UBAC2: variants seen among roughly 807,000 people sequenced by gnomAD.
UBAC2 encodes the protein ubiquitin-associated domain-containing protein 2.
UBAC2 carries 26 observed loss-of-function variants against 44.0 expected under a neutral mutation model. That is an observed-to-expected ratio of 0.59 (90% CI 0.43 to 0.82). UBAC2 has a LOEUF of 0.82. UBAC2 is among the 40% of genes least tolerant of loss of function. UBAC2 has a pLI of 0.00. For synonymous variants in UBAC2, 155 were observed against 154.3 expected (o/e 1.00, Z -0.04); for missense variants, 329 against 419.4 (o/e 0.78, Z 1.88).
chr13:99,294,995 A>G (rs2044146253), intron 4 of UBAC2: 4 of 1,511,824 alleles, frequency 2.6e-6, no homozygotes, highest in South Asian at 2.6e-5. Context: ...ATTTTGCTTT[A>G]TAAGGGAAGT....
chr13:99,218,213 T>A (rs2043018356), intron 1 of UBAC2, among the ~76,000 whole-genome samples: 1 of 152,206 alleles, frequency 6.6e-6, no homozygotes, highest in African/African-American at 2.4e-5. Flanking sequence ...AATCATAGTG[T>A]TAATGTTTGT....
intron 4 of UBAC2, among the ~76,000 whole-genome samples, chr13:99,282,073 C>A (rs896822288): frequency 6.6e-6 from 1 of 152,192 alleles, no homozygotes; most frequent in African/African-American, 2.4e-5. Context: ...AGTTGCATAA[C>A]CCTTTGCGGT....
At chr13:99,373,862 C>T (rs2045443656) in intron 8 of UBAC2, among the ~76,000 whole-genome samples, 1 of 152,102 alleles carries the variant, frequency 6.6e-6, no homozygotes, top group Non-Finnish European at 1.5e-5. Context: ...CAAGAAACAC[C>T]ATCATTGGGT....
chr13:99,222,041 C>G (rs530185547), intron 1 of UBAC2, among the ~76,000 whole-genome samples: 1 of 152,042 alleles, frequency 6.6e-6, no homozygotes, highest in Non-Finnish European at 1.5e-5. Context: ...AGGTTTAAAC[C>G]GTGTAAGTAA....
chr13:99,335,643 G>C (rs941095478), intron 6 of UBAC2, among the ~76,000 whole-genome samples: 1 of 152,226 alleles, frequency 6.6e-6, no homozygotes, highest in African/African-American at 2.4e-5. Context: ...AAACACATCA[G>C]TACACGCACA....
chr13:99,306,536 AAC>A (rs2044339012), intron 4 of UBAC2, among the ~76,000 whole-genome samples: 1 of 152,026 alleles, frequency 6.6e-6, no homozygotes, highest in Admixed American at 6.6e-5. Flanking sequence ...CACACACACA[AAC>A]ACACATATAT....
intron 4 of UBAC2, among the ~76,000 whole-genome samples, chr13:99,260,378 T>C (rs1289791294): frequency 6.6e-6 from 1 of 152,204 alleles, no homozygotes; most frequent in African/African-American, 2.4e-5. Context: ...ATTGGTTGAA[T>C]TTCTGACTGA....
intron 1 of UBAC2, among the ~76,000 whole-genome samples, chr13:99,203,151 C>T (rs2042826935): frequency 6.6e-6 from 1 of 152,208 alleles, no homozygotes; most frequent in South Asian, 2.1e-4. Context: ...ATTCTCCCGC[C>T]TCAGCCTCCC....
chr13:99,364,813 TTACAG>T (rs2045310023), intron 7 of UBAC2, among the ~76,000 whole-genome samples: 1 of 152,218 alleles, frequency 6.6e-6, no homozygotes, highest in Non-Finnish European at 1.5e-5. Flanking sequence ...CTTTATTAGA[TTACAG>T]TATGTGAATG....
intron 6 of UBAC2, among the ~76,000 whole-genome samples, chr13:99,324,035 CCT>C (rs1482876901): frequency 1.1e-4 from 16 of 152,174 alleles, no homozygotes; most frequent in Non-Finnish European, 2.2e-4. Context: ...CTCACCTACC[CCT>C]GTCACTTCTG....
chr13:99,269,724 A>G lies in UBAC2; in HGVS notation c.389+25100A>G, dbSNP rs150059701. ...TTACTACGAATTCTTACAGAACTTC[A>G]ATCTAGACTGTAAGCTTCCATGTTA... On this transcript the variant is annotated intron_variant, in intron 4 of 8. Coordinates refer to ENST00000403766, the MANE Select transcript of UBAC2 (RefSeq NM_001144072.2). Among the ~76,000 whole-genome samples, 572 of 152,354 alleles carry G rather than the reference A, an allele frequency of 3.8e-3. 6 individuals are homozygous for G. Among genetic ancestry groups the G allele is most frequent in the South Asian group, 0.011 (52 of 4,834 alleles).
At chr13:99,247,717 C>T (rs1245728490) in intron 4 of UBAC2, among the ~76,000 whole-genome samples, 2 of 152,260 alleles carry the variant, frequency 1.3e-5, no homozygotes, top group South Asian at 4.1e-4. Context: ...CAAACCTGCA[C>T]GTTCTGCACA....
chr13:99,318,463 G>A (rs983794890), intron 6 of UBAC2, among the ~76,000 whole-genome samples: 1 of 150,444 alleles, frequency 6.6e-6, no homozygotes, highest in African/African-American at 2.4e-5. Context: ...CGCTGCACCC[G>A]GCTCTCAACA....
intron 7 of UBAC2, among the ~76,000 whole-genome samples, chr13:99,346,635 C>T (rs2044986866): frequency 6.6e-6 from 1 of 152,090 alleles, no homozygotes; most frequent in Admixed American, 6.5e-5. Context: ...CCCACATACA[C>T]ATCATTTTCA....
chr13:99,376,389 G>A (rs1274455758), intron 8 of UBAC2, among the ~76,000 whole-genome samples: 1 of 152,170 alleles, frequency 6.6e-6, no homozygotes, highest in East Asian at 1.9e-4. Context: ...CTCCACTGGG[G>A]CACCCTGGAC....
intron 4 of UBAC2, chr13:99,256,440 A>G (rs1367226188): frequency 1.3e-5 from 2 of 152,208 alleles, no homozygotes; most frequent in East Asian, 3.8e-4. Context: ...TCTAGTGCAC[A>G]ATTGGGAGTA....
intron 4 of UBAC2, among the ~76,000 whole-genome samples, chr13:99,269,139 T>C (rs1232582982): frequency 6.6e-6 from 1 of 152,190 alleles, no homozygotes; most frequent in Non-Finnish European, 1.5e-5. Context: ...ACTCAGGCTG[T>C]GGCTGGGAGA....
chr13:99,210,128 G>A (rs17655647), intron 1 of UBAC2, among the ~76,000 whole-genome samples: 84,584 of 151,966 alleles, frequency 0.56, 25,772 homozygotes, highest in Non-Finnish European at 0.71. Context: ...GAAAAAAAAC[G>A]GTCCTAGCAT....
chr13:99,207,448 A>G (rs2042885867), intron 1 of UBAC2, among the ~76,000 whole-genome samples: 1 of 152,134 alleles, frequency 6.6e-6, no homozygotes, highest in Admixed American at 6.5e-5. Flanking sequence ...CCTTCTTTCC[A>G]GCTCTTAAAA....
Sources: gnomAD v4.1 joint callset for allele counts (sites outside exome capture counted in the v4.1 genomes callset) on GRCh38, gnomAD v4.1.1 for gene constraint, MANE v1.5 for transcripts, NCBI Gene and HGNC (gene_info 2026-07-23, HGNC 2026-07-21) for gene names.